Variants in NBAS observed in about 807,000 individuals in gnomAD.
NBAS encodes NBAS subunit of NRZ tethering complex, also known as NAG/BC035112 fusion.
Under a neutral mutation model 302.5 loss-of-function variants are expected in NBAS, and 219 were observed. The ratio of observed to expected loss-of-function variants is 0.72; its 90% confidence interval spans 0.65 to 0.81. The LOEUF is 0.81. Ranked by LOEUF, NBAS falls within the 30% of genes least tolerant of loss-of-function variation. The probability of loss-of-function intolerance (pLI) is 0.00; values close to 1 mark genes in which losing one functional copy is unlikely to be tolerated. For synonymous variants in NBAS, 1,118 were observed against 1,021.6 expected (o/e 1.09, Z -1.80); for missense variants, 2,932 against 2,841.6 (o/e 1.03, Z -0.72).
At chr2:15,223,990 T>G (rs2147902012) in intron 47 of NBAS, among the ~76,000 whole-genome samples, 1 of 152,306 alleles carries the variant, frequency 6.6e-6, no homozygotes, top group South Asian at 2.1e-4. Context: ...TTTAAAAATT[T>G]GCTGATAAAG....
the NBAS span, among the ~76,000 whole-genome samples, chr2:14,832,190 A>G: frequency 6.6e-6 from 1 of 152,172 alleles, no homozygotes; most frequent in East Asian, 1.9e-4. Flanking sequence ...CCAGGCTCTC[A>G]TGGTGTATTC....
At chr2:14,946,647 A>T in the NBAS span, among the ~76,000 whole-genome samples, 1 of 152,172 alleles carries the variant, frequency 6.6e-6, no homozygotes, top group Non-Finnish European at 1.5e-5. Flanking sequence ...GACAGAAACA[A>T]AGAAGCATGA....
At chr2:15,072,456 T>G in the NBAS span, among the ~76,000 whole-genome samples, 1 of 152,224 alleles carries the variant, frequency 6.6e-6, no homozygotes, top group Non-Finnish European at 1.5e-5. Context: ...GCATTTCTTT[T>G]GAATTTTTTA....
the NBAS span, among the ~76,000 whole-genome samples, chr2:15,077,443 G>T: frequency 2.8e-4 from 42 of 152,320 alleles, no homozygotes; most frequent in Non-Finnish European, 4.7e-4. Context: ...TCCTTGGAAT[G>T]AATCCTCTGT....
At chr2:15,365,539 T>C (rs1257492124) in intron 32 of NBAS, among the ~76,000 whole-genome samples, 1 of 152,214 alleles carries the variant, frequency 6.6e-6, no homozygotes, top group Non-Finnish European at 1.5e-5. Context: ...CTTGAACCAG[T>C]GTTCTGACTC....
intron 21 of NBAS, among the ~76,000 whole-genome samples, chr2:15,436,056 A>G (rs894268013): frequency 6.6e-6 from 1 of 152,194 alleles, no homozygotes; most frequent in Non-Finnish European, 1.5e-5. Context: ...AACAATCCAC[A>G]TGAGCTCAAA....
intron 42 of NBAS, among the ~76,000 whole-genome samples, chr2:15,285,404 T>A (rs1383174936): frequency 2.6e-5 from 4 of 152,180 alleles, no homozygotes; most frequent in Non-Finnish European, 5.9e-5. Context: ...GACCCTTTTG[T>A]TAGCAGCTCT....
intron 35 of NBAS, among the ~76,000 whole-genome samples, chr2:15,331,754 T>C (rs1012541751): frequency 3.9e-5 from 6 of 152,204 alleles, no homozygotes; most frequent in Non-Finnish European, 8.8e-5. Flanking sequence ...TTGCCATATA[T>C]GGTAAGTAGA....
intron 35 of NBAS, among the ~76,000 whole-genome samples, chr2:15,341,672 C>G (rs1672859866): frequency 6.6e-6 from 1 of 152,006 alleles, no homozygotes; most frequent in African/African-American, 2.4e-5. Flanking sequence ...GAATAAAATT[C>G]TAACAGTGGT....
intron 19 of NBAS, among the ~76,000 whole-genome samples, chr2:15,466,275 C>T (rs1472928411): frequency 6.6e-6 from 1 of 152,026 alleles, no homozygotes; most frequent in Non-Finnish European, 1.5e-5. Context: ...TGTGCCAGTG[C>T]CAAGAGCTGC....
rs564742494 is a variant in NBAS, at chr2:15,313,904, G to A, written c.4583-4657C>T. Reference sequence around the variant, plus strand: ...CTCTGGCTTTCTATTACTCTTTCTAGGAAACTATGACTCAGACATTAACCA... The same window carrying A: ...CTCTGGCTTTCTATTACTCTTTCTAAGAAACTATGACTCAGACATTAACCA... On this transcript the variant is annotated intron_variant, in intron 38 of 51. Coordinates refer to ENST00000281513, the MANE Select transcript of NBAS (RefSeq NM_015909.4). Among the ~76,000 whole-genome samples, 15 of 152,244 alleles carry A rather than the reference G, an allele frequency of 9.9e-5. No homozygotes were observed. The South Asian group carries it at 3.1e-3, about 32-fold the overall frequency.
chr2:15,275,129 C>A (rs571244750), intron 44 of NBAS, among the ~76,000 whole-genome samples: 31 of 152,212 alleles, frequency 2.0e-4, no homozygotes, highest in African/African-American at 7.5e-4. Context: ...AGTTGTTAGC[C>A]TGGTTTCCGA....
chr2:14,962,166 C>A, the NBAS span, among the ~76,000 whole-genome samples: 1 of 152,122 alleles, frequency 6.6e-6, no homozygotes, highest in Non-Finnish European at 1.5e-5. Flanking sequence ...TTCTTCACAG[C>A]GTCCGTCCTG....
the NBAS span, among the ~76,000 whole-genome samples, chr2:14,864,065 T>A: frequency 6.6e-6 from 1 of 152,136 alleles, no homozygotes; most frequent in South Asian, 2.1e-4. Context: ...ACGCCTGTAA[T>A]CCCAGCACTT....
At chr2:15,541,103 G>A (rs4668923) in intron 6 of NBAS, among the ~76,000 whole-genome samples, 96,914 of 151,938 alleles carry the variant, frequency 0.64, 31,629 homozygotes, top group Non-Finnish European at 0.68. Context: ...GGTCTAGTTT[G>A]TTACCTCCTC....
chr2:15,220,646 T>C lies in NBAS; in HGVS notation c.6237-1678A>G, dbSNP rs560735440. On this transcript the variant is annotated intron_variant, in intron 47 of 51. Transcript: ENST00000281513. ...CCCAAATGAATATCTTATTTGATTA[T>C]GTCAATGGATTATTTATCCATAACT... is the stretch of plus-strand genomic sequence containing the variant. Among the ~76,000 whole-genome samples, 10 of 152,358 alleles carry C rather than the reference T, an allele frequency of 6.6e-5. No individual in the cohort carries two copies. In the South Asian group the frequency reaches 1.4e-3, roughly 22 times the overall value.
At chr2:15,520,143 T>G (rs1409550226) in intron 9 of NBAS, among the ~76,000 whole-genome samples, 2 of 152,142 alleles carry the variant, frequency 1.3e-5, no homozygotes, top group South Asian at 2.1e-4. Context: ...GACTTACATA[T>G]GTAATTCCAG....
At chr2:15,382,135 T>TG (rs1675067943) in intron 29 of NBAS, among the ~76,000 whole-genome samples, 1 of 152,170 alleles carries the variant, frequency 6.6e-6, no homozygotes, top group Non-Finnish European at 1.5e-5. Flanking sequence ...GCCTTTGACT[T>TG]GGAGATTTTA....
In NBAS at chr2:15,374,595, G is replaced by A; in HGVS notation, c.3703+13C>T. ...TAAGTTAGTAACAATGCAACAGTAA[G>A]TAGAAAACTCACCTTGCAAAGGCAG... On this transcript the variant is annotated intron_variant, in intron 31 of 51. Coordinates refer to ENST00000281513, the MANE Select transcript of NBAS (RefSeq NM_015909.4). The A allele has an allele frequency of 6.3e-7, 1 of 1,597,066 alleles. No homozygotes were observed. The highest frequency in any genetic ancestry group is 8.6e-7 in the Non-Finnish European group (1 of 1,164,594).
Sources: allele counts gnomAD v4.1 joint callset (sites outside exome capture counted in the v4.1 genomes callset), GRCh38; gene constraint gnomAD v4.1.1; transcripts MANE v1.5; gene names NCBI Gene and HGNC (gene_info 2026-07-23, HGNC 2026-07-21).